Variants in CDH26 observed in about 807,000 individuals in gnomAD.
CDH26 encodes cadherin 26.
CDH26 carries 83 observed loss-of-function variants against 90.3 expected under a neutral mutation model. That is an observed-to-expected ratio of 0.92 (90% confidence interval 0.77 to 1.10). The LOEUF (loss-of-function observed/expected upper bound fraction) is 1.10, where lower values mean the gene tolerates loss of function less well. CDH26 is among the 50% of genes least tolerant of loss of function. The pLI is 0.00. For synonymous variants in CDH26, 397 were observed against 396.3 expected, an observed-to-expected ratio of 1.00 and a Z score of -0.02; for missense variants, 1,013 against 1,037.6, an observed-to-expected ratio of 0.98 and a Z score of 0.33.
intron 3 of CDH26, among the ~76,000 whole-genome samples, chr20:59,971,632 C>G (rs141128536): frequency 6.6e-6 from 1 of 152,300 alleles, no homozygotes; most frequent in East Asian, 1.9e-4. Context: ...AGTGATGTGT[C>G]CTGCTAGTCA....
chr20:59,965,660 G>A (rs894438660), intron 1 of CDH26, among the ~76,000 whole-genome samples: 5 of 152,152 alleles, frequency 3.3e-5, no homozygotes, highest in African/African-American at 7.2e-5. Flanking sequence ...TTCTGGCCTC[G>A]AGCAGATATT....
chr20:60,011,084 G>A (rs1275811067), intron 17 of CDH26, among the ~76,000 whole-genome samples: 3 of 152,330 alleles, frequency 2.0e-5, no homozygotes, highest in East Asian at 3.9e-4. Context: ...TGCCACTCTC[G>A]CCCCAATGAG....
At chr20:59,965,913 A>G (rs2061142819) in intron 1 of CDH26, among the ~76,000 whole-genome samples, 1 of 152,180 alleles carries the variant, frequency 6.6e-6, no homozygotes. Context: ...TTAGGAAGCC[A>G]TTGGCTATTG....
In CDH26 at chr20:59,995,951, C is replaced by T. The variant is rs1210179508; in HGVS notation, c.1785C>T (p.Cys595=). 6.2e-7 allele frequency: 1 copy of T among 1,614,092 alleles called. No individual in the cohort carries two copies. Among genetic ancestry groups the T allele is most frequent in the African/African-American group, 1.3e-5 (1 of 74,926 alleles). Residue 595 remains cysteine, a synonymous_variant, in exon 12 of 18, where the codon TGC becomes TGT. Coordinates refer to ENST00000348616, the MANE Select transcript of CDH26 (RefSeq NM_177980.4). ...AGCAAACTGTCCATGTAAGGATCTG[C>T]CCCTGTGCCAGTGGGCTCACATGTG... The part of the protein sequence containing the change: ...SQKQTVHVRI[C]PCASGLTCVE...
At chr20:59,981,472 T>G (rs1177922127) in intron 4 of CDH26, among the ~76,000 whole-genome samples, 2 of 152,180 alleles carry the variant, frequency 1.3e-5, no homozygotes, top group Non-Finnish European at 2.9e-5. Context: ...TAAATGGAGC[T>G]GTTTTAAAAT....
At chr20:60,001,688 C>T in intron 15 of CDH26, 7 of 884,960 alleles carry the variant, frequency 7.9e-6, no homozygotes, top group Non-Finnish European at 9.5e-6. Flanking sequence ...TACATTTTCT[C>T]ATGTCCTTCT....
chr20:60,017,628 T>C (rs907563435), downstream of CDH26, among the ~76,000 whole-genome samples: 1 of 152,096 alleles, frequency 6.6e-6, no homozygotes, highest in Non-Finnish European at 1.5e-5. Flanking sequence ...ATCTTTATTA[T>C]TTCTTTCCTT....
intron 1 of CDH26, among the ~76,000 whole-genome samples, chr20:59,968,340 A>G (rs913584333): frequency 6.6e-6 from 1 of 152,002 alleles, no homozygotes; most frequent in Non-Finnish European, 1.5e-5. Context: ...CAGGTCATCC[A>G]CCTGCCTTGG....
intron 4 of CDH26, among the ~76,000 whole-genome samples, chr20:59,981,160 A>G (rs112763020): frequency 2.2e-4 from 34 of 152,294 alleles, no homozygotes; most frequent in African/African-American, 7.2e-4. Context: ...TTGAAATTAT[A>G]TAGTGTGAGT....
rs1555903700 is a variant in CDH26, at chr20:60,021,916, A to ATC, written c.948-9314_948-9313dup. Among the ~76,000 whole-genome samples, 171 of 96,172 alleles carry ATC rather than the reference A, an allele frequency of 1.8e-3. 22 individuals carry two copies. The highest frequency in any genetic ancestry group is 0.016 in the Middle Eastern group (3 of 190). 63.1% of individuals were successfully genotyped at this position (96,172 alleles called of 152,430 possible). A position where few individuals can be genotyped will look rare whatever the true frequency, so the allele number is the denominator to read the frequency against. On this transcript the variant is annotated intron_variant, in intron 7 of 8. Coordinates refer to the CDH26 transcript ENST00000370991. The stretch of plus-strand genomic sequence containing the variant: ...CACACACATATATATATATATATAT[A>ATC]TCCTGACTATTTTCATAGGCCTTTC...
intron 1 of CDH26, among the ~76,000 whole-genome samples, chr20:59,960,757 C>T (rs1181378365): frequency 1.3e-5 from 2 of 152,200 alleles, no homozygotes; most frequent in African/African-American, 4.8e-5. Context: ...ACACATATTC[C>T]CATGGATATG....
At position 59,969,026 on chromosome 20, in the gene CDH26, G is replaced by A. The variant is rs374640802; in HGVS notation, c.126+3G>A. On this transcript the variant is annotated splice_donor_region_variant and intron_variant, in intron 2 of 17. Transcript: ENST00000348616. Reference sequence around the variant, plus strand: ...ATGATCTTACTAAGCAAACAAAGGTGAGGTTTGGAAGTCAGTTTCTTAATA... The same window carrying A: ...ATGATCTTACTAAGCAAACAAAGGTAAGGTTTGGAAGTCAGTTTCTTAATA... 51 of 1,585,196 alleles carry A rather than the reference G, an allele frequency of 3.2e-5. No homozygotes were observed. The highest frequency in any genetic ancestry group is 8.7e-6 in the Non-Finnish European group (10 of 1,154,926).
At chr20:60,033,243 A>C (rs1362375299) in intron 8 of CDH26, among the ~76,000 whole-genome samples, 1 of 152,172 alleles carries the variant, frequency 6.6e-6, no homozygotes, top group Non-Finnish European at 1.5e-5. Context: ...AGGTTTTTTG[A>C]GAAGTCATTG....
intron 16 of CDH26, among the ~76,000 whole-genome samples, chr20:60,004,277 C>T (rs981161613): frequency 2.4e-4 from 36 of 152,236 alleles, no homozygotes; most frequent in African/African-American, 6.7e-4. Context: ...GATGGGGATA[C>T]GTTCTGAGAA....
chr20:60,001,233 C>A, intron 14 of CDH26, 110 bp from the exon 15 acceptor site: 3 of 1,318,906 alleles, frequency 2.3e-6, no homozygotes, highest in African/African-American at 2.9e-5. Context: ...TTTGTGTTTG[C>A]CTATGAATAT....
intron 3 of CDH26, among the ~76,000 whole-genome samples, chr20:59,971,469 G>A (rs1036810223): frequency 1.3e-5 from 2 of 152,238 alleles, no homozygotes; most frequent in South Asian, 4.1e-4. Flanking sequence ...TGTTAGTTGT[G>A]TGATCACTAC....
rs556288460 is a variant in CDH26 at position 59,993,131 on chromosome 20, C to CG, written c.1426+617dup. 1.5e-3 allele frequency among the ~76,000 whole-genome samples: 221 copies of CG among 152,102 alleles called. 1 individual carries two copies. Among genetic ancestry groups the CG allele is most frequent in the African/African-American group, 4.5e-3 (188 of 41,454 alleles). ...CTGTAATTAACTAGTGGAATGTTGG[C>CG]GGGGGGCAATGGAGATATGAAACAC... On this transcript the variant is annotated intron_variant, in intron 10 of 17. Coordinates refer to ENST00000348616, the MANE Select transcript of CDH26 (RefSeq NM_177980.4).
intron 7 of CDH26, 91 bp downstream of exon 7, chr20:59,985,220 T>C: frequency 6.9e-7 from 1 of 1,455,586 alleles, no homozygotes; most frequent in Non-Finnish European, 9.4e-7. Context: ...GGTGTTAGGC[T>C]GTTATCATAT....
chr20:60,022,650 C>T (rs919919833), intron 7 of CDH26, among the ~76,000 whole-genome samples: 1 of 152,174 alleles, frequency 6.6e-6, no homozygotes, highest in African/African-American at 2.4e-5. Flanking sequence ...AAATAGAGGG[C>T]GTTTCTAAGA....
Sources: allele counts gnomAD v4.1 joint callset (sites outside exome capture counted in the v4.1 genomes callset), GRCh38; gene constraint gnomAD v4.1.1; transcripts MANE v1.5; gene names NCBI Gene and HGNC (gene_info 2026-07-23, HGNC 2026-07-21).